The following CAMTA1 variants were observed in gnomAD, a reference collection of about 807,000 sequenced individuals.
The protein encoded by CAMTA1 is calmodulin-binding transcription activator 1.
CAMTA1 carries 27 observed loss-of-function variants against 170.9 expected under a neutral mutation model. The observed-to-expected ratio is 0.16, with a 90% CI of 0.12 to 0.22. The LOEUF (loss-of-function observed/expected upper bound fraction) is 0.22, where lower values mean the gene tolerates loss of function less well. Among genes scored for constraint, CAMTA1 ranks in the 10% least tolerant of loss-of-function variants. CAMTA1 has a pLI of 1.00. For synonymous variants in CAMTA1, 833 were observed against 891.5 expected (o/e 0.93, Z 1.17); for missense variants, 1,619 against 2,217.2 (o/e 0.73, Z 5.42).
chr1:7,075,999 G>C (rs1351257312), intron 3 of CAMTA1, among the ~76,000 whole-genome samples: 1 of 152,120 alleles, frequency 6.6e-6, no homozygotes, highest in African/African-American at 2.4e-5. Flanking sequence ...TTAGGTGCCT[G>C]GTCTTCGTAG....
intron 6 of CAMTA1, among the ~76,000 whole-genome samples, chr1:7,601,206 C>T (rs796971747): frequency 0.088 from 12,720 of 145,228 alleles, 653 homozygotes; most frequent in Non-Finnish European, 0.11. Flanking sequence ...TGGGCGGAGA[C>T]GCTCCTCACT....
chr1:7,249,721 T>A lies in CAMTA1; in HGVS notation c.438+95T>A, dbSNP rs1256702049. The A allele has an allele frequency of 7.0e-7, 1 of 1,423,926 alleles. No individual in the cohort carries two copies. Among genetic ancestry groups the A allele is most frequent in the Admixed American group, 2.4e-5 (1 of 41,012 alleles). The allele number at this position is 1,423,926 out of a possible 1,614,324, so 88.2% of individuals were successfully genotyped here. ...TTGGAGTAATTTGATGCGAGTCACC[T>A]CTGTCCAAAGAATTTTTGTTTGCCA... On this transcript the variant is annotated intron_variant, in intron 5 of 22. Transcript: ENST00000303635. This position sits in a 1 kb window ranked among gnomAD's most constrained non-coding sequence, Gnocchi z 4.4.
chr1:7,513,105 GA>G (rs775916197), intron 6 of CAMTA1, among the ~76,000 whole-genome samples: 2 of 146,744 alleles, frequency 1.4e-5, no homozygotes, highest in South Asian at 2.2e-4. Context: ...CACCATAGGG[GA>G]AAAGGGGAGA....
chr1:7,735,321 C>G (rs550038598), intron 12 of CAMTA1, among the ~76,000 whole-genome samples: 1 of 151,922 alleles, frequency 6.6e-6, no homozygotes, highest in Non-Finnish European at 1.5e-5. Context: ...CATGGTGAAA[C>G]CCTATCTCCG....
intron 3 of CAMTA1, among the ~76,000 whole-genome samples, chr1:6,909,928 C>G (rs1197361857): frequency 2.0e-5 from 3 of 152,246 alleles, no homozygotes; most frequent in African/African-American, 7.2e-5. Context: ...TCTGCATGTA[C>G]TTAGGCTGGT....
intron 4 of CAMTA1, among the ~76,000 whole-genome samples, chr1:7,154,952 G>A (rs963852393): frequency 3.9e-5 from 6 of 152,208 alleles, no homozygotes; most frequent in African/African-American, 1.4e-4. Flanking sequence ...TGCAGCCTCT[G>A]CGTGTGCACA....
In CAMTA1 at chr1:7,761,684, T is replaced by G. The variant is rs2096977214; in HGVS notation, c.4990-4775T>G. Among the ~76,000 whole-genome samples, 8 of 152,344 alleles carry G rather than the reference T, an allele frequency of 5.3e-5. No individual in the cohort carries two copies. The South Asian group carries it at 1.7e-3, about 32-fold the overall frequency. On this transcript the variant is annotated intron_variant, in intron 22 of 22. Transcript: ENST00000303635. ...TACCAAGTTTGTATACTGAAAAATT[T>G]GCTTACAACATAGGTAATGTTAATG...
At chr1:6,845,976 T>C (rs1366915434) in intron 3 of CAMTA1, among the ~76,000 whole-genome samples, 4 of 152,156 alleles carry the variant, frequency 2.6e-5, no homozygotes, top group Admixed American at 1.3e-4. Flanking sequence ...AGGCATGTCA[T>C]ACATGGCAGA....
At chr1:6,845,080 G>T (rs894760047) in intron 3 of CAMTA1, among the ~76,000 whole-genome samples, 1 of 152,318 alleles carries the variant, frequency 6.6e-6, no homozygotes, top group South Asian at 2.1e-4. Context: ...GCACCTGTAC[G>T]GGTGGCTGAG....
At chr1:7,295,563 A>T (rs1343656260) in intron 5 of CAMTA1, among the ~76,000 whole-genome samples, 1 of 152,198 alleles carries the variant, frequency 6.6e-6, no homozygotes, top group African/African-American at 2.4e-5. Context: ...TATATTCCAA[A>T]TTACTTCCAG....
intron 3 of CAMTA1, among the ~76,000 whole-genome samples, chr1:6,983,497 A>T (rs917465907): frequency 6.6e-6 from 1 of 152,204 alleles, no homozygotes; most frequent in Non-Finnish European, 1.5e-5. Context: ...GTCATACTAT[A>T]TGCTTTTCCT....
At chr1:7,648,886 A>G (rs1044656779) in intron 7 of CAMTA1, among the ~76,000 whole-genome samples, 8 of 152,110 alleles carry the variant, frequency 5.3e-5, no homozygotes, top group Non-Finnish European at 1.0e-4. Context: ...TTTTTAAGGA[A>G]CCCCGGCCTA....
intron 6 of CAMTA1, among the ~76,000 whole-genome samples, chr1:7,537,143 C>T (rs1201653693): frequency 1.3e-5 from 2 of 152,142 alleles, no homozygotes; most frequent in East Asian, 1.9e-4. Context: ...ATGCAGCATT[C>T]GGAGCTCGCA....
intron 4 of CAMTA1, among the ~76,000 whole-genome samples, chr1:7,156,658 A>C (rs1646904237): frequency 1.3e-5 from 2 of 152,228 alleles, no homozygotes; most frequent in Non-Finnish European, 2.9e-5. Context: ...AGCATTCTTC[A>C]TACCAAGACC....
intron 3 of CAMTA1, among the ~76,000 whole-genome samples, chr1:7,087,941 G>A (rs953993072): frequency 6.6e-6 from 1 of 152,220 alleles, no homozygotes; most frequent in Non-Finnish European, 1.5e-5. Flanking sequence ...CCCCAAACGA[G>A]TTCCTGAGCT....
intron 3 of CAMTA1, among the ~76,000 whole-genome samples, chr1:6,908,473 A>G (rs1021939201): frequency 6.6e-6 from 1 of 152,200 alleles, no homozygotes; most frequent in African/African-American, 2.4e-5. Context: ...GCTTTCCCCA[A>G]GAAAAGGTTT....
At chr1:7,513,419 C>T (rs1244829708) in intron 6 of CAMTA1, among the ~76,000 whole-genome samples, 2 of 152,168 alleles carry the variant, frequency 1.3e-5, no homozygotes, top group African/African-American at 2.4e-5. Context: ...GCAGCTTAAA[C>T]AACAGAATCT....
chr1:7,288,548 A>T (rs913694021), intron 5 of CAMTA1, among the ~76,000 whole-genome samples: 5 of 152,176 alleles, frequency 3.3e-5, no homozygotes, highest in Non-Finnish European at 5.9e-5. Context: ...GGAAGAGGAG[A>T]GGCAGGCAGG....
intron 6 of CAMTA1, among the ~76,000 whole-genome samples, chr1:7,470,461 C>A (rs564719010): frequency 5.9e-5 from 9 of 152,264 alleles, no homozygotes; most frequent in African/African-American, 2.2e-4. Context: ...GTCTCTGACA[C>A]CAATTACCAA....
Sources: gnomAD v4.1 joint callset for allele counts (sites outside exome capture counted in the v4.1 genomes callset) on GRCh38, gnomAD v4.1.1 for gene constraint, Gnocchi (gnomAD v3.1) non-coding constraint, MANE v1.5 for transcripts, NCBI Gene and HGNC (gene_info 2026-07-23, HGNC 2026-07-21) for gene names.